The following TCF20 variants were observed in gnomAD, a reference collection of about 807,000 sequenced individuals.
The protein encoded by TCF20 is transcription factor 20.
In TCF20, 3 loss-of-function variants were observed where a neutral mutation model predicts 148.6. The ratio of observed to expected loss-of-function variants is 0.02; its 90% CI spans 0.01 to 0.05. The LOEUF is 0.05. TCF20 is among the 10% of genes least tolerant of loss of function. The probability of loss-of-function intolerance (pLI) is 1.00; values close to 1 mark genes in which losing one functional copy is unlikely to be tolerated. For synonymous variants in TCF20, 1,049 were observed against 909.5 expected, an observed-to-expected ratio of 1.15 and a Z score of -2.76; for missense variants, 2,350 against 2,429.3, an observed-to-expected ratio of 0.97 and a Z score of 0.69.
intron 1 of TCF20, among the ~76,000 whole-genome samples, chr22:42,244,155 G>C (rs1245327799): frequency 1.3e-5 from 2 of 152,142 alleles, no homozygotes; most frequent in Non-Finnish European, 2.9e-5. Flanking sequence ...AGTGATCCAC[G>C]ATCATGCCAC....
chr22:42,326,544 C>G, intron 1 of TCF20, among the ~76,000 whole-genome samples: 1 of 152,180 alleles, frequency 6.6e-6, no homozygotes, highest in East Asian at 1.9e-4. Context: ...GCATTTGTGC[C>G]CAGCTGACAG....
intron 1 of TCF20, among the ~76,000 whole-genome samples, chr22:42,266,491 G>A (rs1215215129): frequency 6.6e-6 from 1 of 152,178 alleles, no homozygotes; most frequent in African/African-American, 2.4e-5. Context: ...TTGGCCAGGT[G>A]CAGTGGCTCA....
rs567302091 is a variant in TCF20 at position 42,330,243 on chromosome 22, C to A, written c.-37+13236G>T. 2.0e-5 allele frequency among the ~76,000 whole-genome samples: 3 copies of A among 152,288 alleles called. No homozygotes were observed. The East Asian group carries it at 5.8e-4, about 29-fold the overall frequency. Reference sequence around the variant, plus strand: ...CTCATCTGCAGCATGAAACAGTGATCCTTCCTTCCAGGGCCATAACAAAGG... The same window carrying A: ...CTCATCTGCAGCATGAAACAGTGATACTTCCTTCCAGGGCCATAACAAAGG... On this transcript the variant is annotated intron_variant, in intron 1 of 1. Coordinates refer to the TCF20 transcript ENST00000515426.
chr22:42,174,751 C>T (rs1941382603), intron 3 of TCF20, among the ~76,000 whole-genome samples: 5 of 150,972 alleles, frequency 3.3e-5, no homozygotes, highest in Admixed American at 3.3e-4. Flanking sequence ...AAGCCATTTT[C>T]TTGGCCAGGC....
chr22:42,214,052 G>C lies in TCF20; in HGVS notation c.1254C>G (p.Leu418=), dbSNP rs1488199816. The part of the protein sequence containing the change: ...RNRILQLMPQ[L]SPTPSMMPSP... ...TGGGCATCATTGATGGGGTTGGACT[G>C]AGTTGAGGCATTAACTGTAAAATTC... Residue 418 remains leucine (L), a synonymous_variant, in exon 2 of 6, where the codon CTC becomes CTG. Transcript: ENST00000677622. The C allele has an allele frequency of 6.2e-7, 1 of 1,614,188 alleles. No homozygotes were observed.
chr22:42,202,572 C>T (rs541357642), intron 2 of TCF20, among the ~76,000 whole-genome samples: 7 of 152,208 alleles, frequency 4.6e-5, no homozygotes, highest in African/African-American at 7.2e-5. Context: ...CAGGACCTTC[C>T]GGGGCAAGTG....
At chr22:42,225,146 C>T (rs1221764790) in intron 1 of TCF20, among the ~76,000 whole-genome samples, 1 of 151,870 alleles carries the variant, frequency 6.6e-6, no homozygotes, top group African/African-American at 2.4e-5. Flanking sequence ...CAGGTGCCTG[C>T]CACCACGTCC....
chr22:42,185,885 T>G (rs147616862), intron 2 of TCF20, among the ~76,000 whole-genome samples: 1 of 152,174 alleles, frequency 6.6e-6, no homozygotes, highest in Non-Finnish European at 1.5e-5. Flanking sequence ...CTCTGGGACC[T>G]GCACCACGGC....
At chr22:42,320,478 T>C (rs4822109) in intron 1 of TCF20, among the ~76,000 whole-genome samples, 64,236 of 151,948 alleles carry the variant, frequency 0.42, 13,864 homozygotes, top group East Asian at 0.58. Context: ...TCCACCTCAA[T>C]CCCCACTGCC....
chr22:42,255,420 A>G (rs1484399082), intron 1 of TCF20, among the ~76,000 whole-genome samples: 1 of 151,892 alleles, frequency 6.6e-6, no homozygotes, highest in Non-Finnish European at 1.5e-5. Flanking sequence ...ACCCGGGAGG[A>G]GGAGACTGCC....
chr22:42,265,282 T>C (rs539308899), intron 1 of TCF20, among the ~76,000 whole-genome samples: 5 of 152,208 alleles, frequency 3.3e-5, no homozygotes, highest in Non-Finnish European at 7.3e-5. Flanking sequence ...CTACTAACTA[T>C]AAATACCTTG....
chr22:42,180,801 G>C (rs999625874), intron 2 of TCF20, among the ~76,000 whole-genome samples: 1 of 152,170 alleles, frequency 6.6e-6, no homozygotes, highest in Non-Finnish European at 1.5e-5. Flanking sequence ...AAACTCTTGA[G>C]ACACCAAAGG....
chr22:42,268,784 T>C (rs1190778185), intron 1 of TCF20, among the ~76,000 whole-genome samples: 1 of 152,208 alleles, frequency 6.6e-6, no homozygotes, highest in Admixed American at 6.5e-5. Flanking sequence ...TAATACACTT[T>C]CTGATCTGAA....
intron 1 of TCF20, among the ~76,000 whole-genome samples, chr22:42,315,949 A>G (rs1337253533): frequency 6.6e-6 from 1 of 152,016 alleles, no homozygotes; most frequent in Non-Finnish European, 1.5e-5. Flanking sequence ...TCCCGTCTCT[A>G]TTAAAAATAC....
At chr22:42,168,155 A>G (rs1240797224) in intron 5 of TCF20, among the ~76,000 whole-genome samples, 1 of 152,234 alleles carries the variant, frequency 6.6e-6, no homozygotes, top group Non-Finnish European at 1.5e-5. Flanking sequence ...TTCTAATAAC[A>G]AAACCCAAGA....
chr22:42,221,164 G>A (rs550492580), intron 1 of TCF20, among the ~76,000 whole-genome samples: 41 of 152,272 alleles, frequency 2.7e-4, no homozygotes, highest in Non-Finnish European at 4.9e-4. Flanking sequence ...CAAAATAAAC[G>A]TAGAGGTTGA....
chr22:42,194,610 G>A (rs539051430), intron 2 of TCF20, among the ~76,000 whole-genome samples: 10 of 151,840 alleles, frequency 6.6e-5, no homozygotes, highest in African/African-American at 2.4e-4. Context: ...GGTGGGGGCG[G>A]GGGTAGCGGT....
At chr22:42,313,380 C>T (rs1927570884) in intron 1 of TCF20, among the ~76,000 whole-genome samples, 1 of 152,154 alleles carries the variant, frequency 6.6e-6, no homozygotes, top group African/African-American at 2.4e-5. Flanking sequence ...AGGAAAGGCC[C>T]CTGCAGCTGC....
chr22:42,258,270 C>A (rs571384728), intron 1 of TCF20, among the ~76,000 whole-genome samples: 4 of 152,006 alleles, frequency 2.6e-5, no homozygotes, highest in South Asian at 2.1e-4. Flanking sequence ...ATACCTCCCC[C>A]CCCTTCCCTA....
Sources: allele counts gnomAD v4.1 joint callset (sites outside exome capture counted in the v4.1 genomes callset), GRCh38; gene constraint gnomAD v4.1.1; transcripts MANE v1.5; gene names NCBI Gene and HGNC (gene_info 2026-07-23, HGNC 2026-07-21).